The following BRD9 variants were observed in gnomAD, a reference collection of about 807,000 sequenced individuals.
The protein encoded by BRD9 is bromodomain-containing protein 9.
BRD9 carries 47 observed loss-of-function variants against 68.7 expected under a neutral mutation model. The observed-to-expected ratio is 0.68, with a 90% CI of 0.54 to 0.87. The LOEUF is 0.87. Ranked by LOEUF, BRD9 falls within the 40% of genes least tolerant of loss-of-function variation. The pLI, the probability that BRD9 is intolerant of heterozygous loss-of-function variation, is 0.00. For missense variants in BRD9, 670 were observed against 748.4 expected (o/e 0.90, Z 1.22); for synonymous variants, 313 against 293.9 (o/e 1.06, Z -0.67).
intron 2 of BRD9, 101 bp downstream of exon 2, chr5:891,539 C>T (rs1753400338): frequency 6.8e-7 from 1 of 1,476,098 alleles, no homozygotes; most frequent in Non-Finnish European, 8.9e-7. Flanking sequence ...CACCCCCTCC[C>T]CTCCTCCAGC....
At position 891,744 on chromosome 5, in the gene BRD9, T is replaced by C. The variant is rs1270985928; in HGVS notation, c.163A>G (p.Arg55Gly). Residue 55 changes from arginine to glycine, a missense_variant, in exon 2 of 16, where the codon AGG becomes GGG. By Grantham distance (125) the Arg-to-Gly change is moderately radical. Coordinates refer to ENST00000467963, the MANE Select transcript of BRD9 (RefSeq NM_023924.5). ...TGCCTCTCTCGCTCATGGTCTGACCTGTCATCATAGTAACTGGAGTCGTGG... is the reference window on the plus strand; with the variant it reads ...TGCCTCTCTCGCTCATGGTCTGACCCGTCATCATAGTAACTGGAGTCGTGG... ...SGHDSSYYDD[R>G]SDHERERHKE... 6.4e-7 allele frequency: 1 copy of C among 1,551,694 alleles called. No individual in the cohort carries two copies. The highest frequency in any genetic ancestry group is 1.2e-5 in the South Asian group (1 of 84,056).
intron 1 of BRD9, chr5:892,152 C>G (rs1753525490): frequency 2.3e-6 from 1 of 443,934 alleles, no homozygotes; most frequent in Non-Finnish European, 4.0e-6. Flanking sequence ...GGACCTGGAA[C>G]CCCGGAGCCC....
At chr5:870,929 C>G (rs1750042573) in intron 13 of BRD9, among the ~76,000 whole-genome samples, 1 of 152,234 alleles carries the variant, frequency 6.6e-6, no homozygotes, top group African/African-American at 2.4e-5. Context: ...CTTCACAGAG[C>G]ACACAACGTT....
intron 11 of BRD9, among the ~76,000 whole-genome samples, chr5:878,056 G>A (rs1041791919): frequency 2.0e-5 from 3 of 152,190 alleles, no homozygotes; most frequent in African/African-American, 7.2e-5. Flanking sequence ...ACTGCAGCCT[G>A]AGCTAGCACG....
chr5:881,049 C>T (rs527848387), intron 9 of BRD9, 58 bp downstream of exon 9: 56 of 1,541,016 alleles, frequency 3.6e-5, no homozygotes, highest in South Asian at 2.1e-4. Context: ...AGAATATCAA[C>T]GGAGGCCCAA....
chr5:876,735 G>C (rs940021066), intron 11 of BRD9, among the ~76,000 whole-genome samples: 2 of 152,210 alleles, frequency 1.3e-5, no homozygotes, highest in African/African-American at 4.8e-5. Context: ...CATAGTCTTA[G>C]AATCAAAGCA....
chr5:886,131 C>T (rs1050442515), intron 7 of BRD9, among the ~76,000 whole-genome samples: 2 of 152,218 alleles, frequency 1.3e-5, no homozygotes, highest in African/African-American at 4.8e-5. Flanking sequence ...TGCTCCACTC[C>T]AGCGTCTACA....
intron 7 of BRD9, among the ~76,000 whole-genome samples, chr5:884,330 G>C (rs922667331): frequency 1.3e-5 from 2 of 152,250 alleles, no homozygotes; most frequent in African/African-American, 4.8e-5. Context: ...TGCAAACTCA[G>C]TTAAAGTGCT....
chr5:874,720 A>G (rs928791106), intron 12 of BRD9, among the ~76,000 whole-genome samples: 3 of 152,254 alleles, frequency 2.0e-5, no homozygotes, highest in Non-Finnish European at 2.9e-5. Flanking sequence ...AAAAGCAGCA[A>G]ATGGAGCCCA....
chr5:868,477 G>C (rs912083655), intron 14 of BRD9: 1 of 152,274 alleles, frequency 6.6e-6, no homozygotes, highest in Non-Finnish European at 1.5e-5. Context: ...CCCCTGGAAG[G>C]CAAGGCCAGC....
At chr5:870,621 A>G (rs763942780) in intron 13 of BRD9, 46 bp from the exon 14 acceptor site, 4 of 1,369,618 alleles carry the variant, frequency 2.9e-6, no homozygotes, top group Admixed American at 1.7e-5. Flanking sequence ...CATCAAACGA[A>G]AAACGAAATG....
intron 14 of BRD9, among the ~76,000 whole-genome samples, chr5:866,710 G>C (rs1023714521): frequency 6.6e-5 from 10 of 152,192 alleles, no homozygotes; most frequent in Non-Finnish European, 2.9e-5. Context: ...GAACTTGAGA[G>C]AGATGATTTA....
intron 15 of BRD9, 53 bp from the exon 16 acceptor site, chr5:864,621 C>T (rs906882504): frequency 7.3e-6 from 11 of 1,515,542 alleles, no homozygotes; most frequent in Non-Finnish European, 1.0e-5. Context: ...CCGCAGCACA[C>T]GTGGGGCTCC....
intron 7 of BRD9, 108 bp downstream of exon 7, chr5:886,478 CTATGTG>C: frequency 9.4e-7 from 1 of 1,060,924 alleles, no homozygotes; most frequent in Non-Finnish European, 1.4e-6. Context: ...CCAAGAATGT[CTATGTG>C]ACATGACATC....
chr5:874,092 C>T (rs1288669619), intron 12 of BRD9, among the ~76,000 whole-genome samples: 2 of 152,198 alleles, frequency 1.3e-5, no homozygotes, highest in Non-Finnish European at 2.9e-5. Context: ...CGCGAGCACA[C>T]GCCTCGTTCT....
At chr5:884,759 C>A (rs920972758) in intron 7 of BRD9, among the ~76,000 whole-genome samples, 1 of 152,392 alleles carries the variant, frequency 6.6e-6, no homozygotes, top group East Asian at 1.9e-4. Flanking sequence ...AGCGGCCCTG[C>A]CCTTGCCTGA....
At chr5:891,493 C>T in intron 2 of BRD9, 147 bp downstream of exon 2, 6 of 1,339,404 alleles carry the variant, frequency 4.5e-6, no homozygotes, top group Non-Finnish European at 5.0e-6. Context: ...ACTGAGTCTG[C>T]GGGCCTCAGC....
At chr5:864,667 G>T in intron 15 of BRD9, 99 bp from the exon 16 acceptor site, 1 of 1,020,402 alleles carries the variant, frequency 9.8e-7, no homozygotes, top group South Asian at 1.4e-5. Flanking sequence ...CTACCGCCAG[G>T]GCTCAGGGAC....
In BRD9 at chr5:891,850, A is replaced by G. The variant is rs1753460797; in HGVS notation, c.57T>C (p.Tyr19=). The change falls in exon 2 of 16, where the codon TAT becomes TAC. Residue 19 remains tyrosine, a synonymous_variant. Transcript: ENST00000467963. ...GAGGCTTCTCCAGGGGCTTGTCGGCATAATCTGCACAGACACAGACCGAGT... is the reference window on the plus strand; with the variant it reads ...GAGGCTTCTCCAGGGGCTTGTCGGCGTAATCTGCACAGACACAGACCGAGT... ...KAEWRSSYED[Y]ADKPLEKPLK... is the part of the protein sequence containing the mutation. 2 of 1,550,396 alleles carry G rather than the reference A, an allele frequency of 1.3e-6. No homozygotes were observed. Among genetic ancestry groups the G allele is most frequent in the Non-Finnish European group, 1.7e-6 (2 of 1,146,764 alleles).
Sources: gnomAD v4.1 joint callset for allele counts (sites outside exome capture counted in the v4.1 genomes callset) on GRCh38, gnomAD v4.1.1 for gene constraint, MANE v1.5 for transcripts, NCBI Gene and HGNC (gene_info 2026-07-23, HGNC 2026-07-21) for gene names.